DNAH11: variants seen among roughly 807,000 people sequenced by gnomAD.
The protein encoded by DNAH11 is axonemal beta dynein heavy chain 11.
DNAH11 carries 442 observed loss-of-function variants against 526.0 expected under a neutral mutation model. That is an observed-to-expected ratio of 0.84 (90% CI 0.78 to 0.91). The LOEUF is 0.91. Among genes scored for constraint, DNAH11 ranks in the 40% least tolerant of loss-of-function variants. The probability of loss-of-function intolerance (pLI) is 0.00; values close to 1 mark genes in which losing one functional copy is unlikely to be tolerated. For synonymous variants in DNAH11, 2,461 were observed against 1,935.9 expected, an observed-to-expected ratio of 1.27 and a Z score of -7.12; for missense variants, 6,989 against 5,448.7, an observed-to-expected ratio of 1.28 and a Z score of -8.90.
chr7:21,606,996 A>G (rs1158654546), intron 20 of DNAH11, among the ~76,000 whole-genome samples: 1 of 152,162 alleles, frequency 6.6e-6, no homozygotes, highest in Admixed American at 6.5e-5. Context: ...AAGGGCGTTT[A>G]TTAAGGAGTA....
At chr7:21,860,989 G>T (rs147209631) in intron 68 of DNAH11, among the ~76,000 whole-genome samples, 158 of 152,268 alleles carry the variant, frequency 1.0e-3, no homozygotes, top group South Asian at 3.7e-3. Flanking sequence ...CCATGATTCA[G>T]TTATCTTCCA....
At chr7:21,722,231 G>T (rs1209995933) in intron 44 of DNAH11, among the ~76,000 whole-genome samples, 1 of 152,138 alleles carries the variant, frequency 6.6e-6, no homozygotes, top group Non-Finnish European at 1.5e-5. Context: ...AAAGTAACTT[G>T]CCCAAAGTCA....
Position 21,581,988 on chromosome 7 carries a change from C to A in DNAH11, c.1677C>A (p.Phe559Leu). Residue 559 changes from phenylalanine to leucine, a missense_variant, in exon 9 of 82, where the codon TTC becomes TTA. Phe to Leu is a conservative substitution (Grantham distance 22, BLOSUM62 0). Transcript: ENST00000409508. ...RRLGTIICEA[F>L]FNCNGLEAAF... ...TTGGGACAATTATTTGTGAAGCTTT[C>A]TTTAACTGCAATGGCTTAGAAGCTG... The A allele has an allele frequency of 6.2e-7, 1 of 1,613,108 alleles. No individual in the cohort carries two copies.
chr7:21,674,116 G>A (rs1468309680), intron 30 of DNAH11, among the ~76,000 whole-genome samples: 1 of 151,920 alleles, frequency 6.6e-6, no homozygotes, highest in East Asian at 1.9e-4. Context: ...CTGGAATGCA[G>A]TGGCACTATC....
At chr7:21,751,442 A>G (rs1454643202) in intron 54 of DNAH11, among the ~76,000 whole-genome samples, 1 of 152,232 alleles carries the variant, frequency 6.6e-6, no homozygotes, top group Non-Finnish European at 1.5e-5. Context: ...ATAATAGATC[A>G]GTAAAGGTCA....
At chr7:21,899,741 C>T (rs139972975) in intron 80 of DNAH11, among the ~76,000 whole-genome samples, 40 of 152,296 alleles carry the variant, frequency 2.6e-4, no homozygotes, top group African/African-American at 7.2e-4. Flanking sequence ...TACTGTAGTG[C>T]GAAAACCACA....
chr7:21,564,108 T>C (rs1200226970), intron 5 of DNAH11, 78 bp from the exon 6 acceptor site: 6 of 1,091,690 alleles, frequency 5.5e-6, no homozygotes, highest in Non-Finnish European at 6.5e-6. Context: ...TACGTGGCTC[T>C]CTTCTACATG....
chr7:21,852,432 C>T (rs1189591378), intron 66 of DNAH11, 35 bp from the exon 67 acceptor site: 2 of 1,488,838 alleles, frequency 1.3e-6, no homozygotes, highest in Non-Finnish European at 1.8e-6. Context: ...AAGTACTTAA[C>T]CACCATTTCC....
At position 21,729,584 on chromosome 7, in the gene DNAH11, A is replaced by G. The variant is rs1785283483; in HGVS notation, c.7440+3600A>G. ...CAACACTTTTCTTAGAAATCTCCTCAGTTAAGTACTTGAGTTAGTCACTCA... is the reference window on the plus strand; with the variant it reads ...CAACACTTTTCTTAGAAATCTCCTCGGTTAAGTACTTGAGTTAGTCACTCA... On this transcript the variant is annotated intron_variant, in intron 45 of 81. Coordinates refer to ENST00000409508, the MANE Select transcript of DNAH11 (RefSeq NM_001277115.2). 2.0e-5 allele frequency among the ~76,000 whole-genome samples: 3 copies of G among 152,214 alleles called. No individual in the cohort carries two copies. The South Asian group carries it at 6.2e-4, about 31-fold the overall frequency.
chr7:21,866,320 C>CAAAAAAAA (rs35623271), intron 70 of DNAH11, 150 bp from the exon 71 acceptor site: 1 of 420,322 alleles, frequency 2.4e-6, no homozygotes. Context: ...CTCAGCAGAG[C>CAAAAAAAA]AAAAAAAAAA....
intron 74 of DNAH11, among the ~76,000 whole-genome samples, chr7:21,877,719 C>CA (rs1783770371): frequency 1.3e-5 from 2 of 151,590 alleles, no homozygotes; most frequent in South Asian, 4.2e-4. Flanking sequence ...ACTAAAAATA[C>CA]AAAAAATTAG....
chr7:21,619,942 T>G lies in DNAH11; in HGVS notation c.4378-14T>G, dbSNP rs1284299869. 6.3e-7 allele frequency: 1 copy of G among 1,584,392 alleles called. No individual in the cohort carries two copies. Among genetic ancestry groups the G allele is most frequent in the East Asian group, 2.3e-5 (1 of 43,804 alleles). Reference sequence around the variant, plus strand: ...TTAAATTTTGTGCACATTAATTATATTGTTGATTACTAGGTTATTACTGAA... The same window carrying G: ...TTAAATTTTGTGCACATTAATTATAGTGTTGATTACTAGGTTATTACTGAA... On this transcript the variant is annotated splice_polypyrimidine_tract_variant and intron_variant, in intron 24 of 81. Coordinates refer to ENST00000409508, the MANE Select transcript of DNAH11 (RefSeq NM_001277115.2).
intron 35 of DNAH11, among the ~76,000 whole-genome samples, chr7:21,693,603 T>C (rs561784134): frequency 3.2e-4 from 49 of 152,342 alleles, no homozygotes; most frequent in African/African-American, 1.1e-3. Flanking sequence ...GAGATTTTTA[T>C]TGGAATCTTT....
rs148166844 is a variant in DNAH11 at position 21,730,828 on chromosome 7, G to T, written c.7441-4812G>T. Among the ~76,000 whole-genome samples the T allele has an allele frequency of 3.1e-3, 479 of 152,232 alleles. 10 individuals are homozygous for T. The highest frequency in any genetic ancestry group is 0.022 in the East Asian group (114 of 5,182). The stretch of plus-strand genomic sequence containing the variant: ...TTAAAAACCATTAAGAGAAAAAATT[G>T]TAAGTATTCTTCCCATAAAAAATAA... On this transcript the variant is annotated intron_variant, in intron 45 of 81. Transcript: ENST00000409508.
At chr7:21,561,667 C>G (rs887619599) in intron 5 of DNAH11, among the ~76,000 whole-genome samples, 3 of 152,076 alleles carry the variant, frequency 2.0e-5, no homozygotes, top group Non-Finnish European at 4.4e-5. Context: ...TGTTACAAAC[C>G]AGGAATCATA....
chr7:21,738,644 A>C (rs1228733482), intron 46 of DNAH11, 57 bp from the exon 47 acceptor site: 9 of 1,477,704 alleles, frequency 6.1e-6, no homozygotes. Flanking sequence ...GAGAAAAATG[A>C]CTAAATGAAC....
chr7:21,587,406 C>A (rs1161409624), intron 9 of DNAH11, among the ~76,000 whole-genome samples: 39 of 152,072 alleles, frequency 2.6e-4, no homozygotes, highest in Non-Finnish European at 5.9e-5. Context: ...GTAGTTTCTG[C>A]TCACTGATAA....
intron 35 of DNAH11, among the ~76,000 whole-genome samples, chr7:21,693,821 A>T (rs937538596): frequency 6.6e-6 from 1 of 152,186 alleles, no homozygotes; most frequent in Admixed American, 6.5e-5. Context: ...TGAAGAAAAG[A>T]GGTTTAATTG....
intron 54 of DNAH11, among the ~76,000 whole-genome samples, chr7:21,757,845 G>A (rs187529798): frequency 2.6e-4 from 40 of 152,304 alleles, no homozygotes; most frequent in African/African-American, 8.7e-4. Flanking sequence ...GGTAACGCAA[G>A]TAATTTTCAG....
Sources: allele counts gnomAD v4.1 joint callset (sites outside exome capture counted in the v4.1 genomes callset), GRCh38; gene constraint gnomAD v4.1.1; transcripts MANE v1.5; gene names NCBI Gene and HGNC (gene_info 2026-07-23, HGNC 2026-07-21).